The following NOL10 variants were observed in gnomAD, a reference collection of about 807,000 sequenced individuals.
The protein encoded by NOL10 is nucleolar protein 10, also known as H_NH0074G24.1.
NOL10 carries 58 observed loss-of-function variants against 103.5 expected under a neutral mutation model. The observed-to-expected ratio is 0.56, with a 90% CI of 0.45 to 0.70. The LOEUF (loss-of-function observed/expected upper bound fraction) is 0.70. NOL10 is among the 30% of genes least tolerant of loss of function. The probability of loss-of-function intolerance (pLI) is 0.00; values close to 1 mark genes in which losing one functional copy is unlikely to be tolerated. For missense variants in NOL10, 763 were observed against 807.3 expected (o/e 0.95, Z 0.67); for synonymous variants, 287 against 282.5 (o/e 1.02, Z -0.16).
Position 10,689,823 on chromosome 2 carries a change from G to A in NOL10, c.39C>T (p.Ser13=). The A allele has an allele frequency of 6.2e-7, 1 of 1,607,836 alleles. No homozygotes were observed. The highest frequency in any genetic ancestry group is 8.5e-7 in the Non-Finnish European group (1 of 1,177,334). ...CAGGAAGGGACTTGCCGCAGCTGAGGCTGTAAATCTTCACCTCATTGAGGC... is the reference window on the plus strand; with the variant it reads ...CAGGAAGGGACTTGCCGCAGCTGAGACTGTAAATCTTCACCTCATTGAGGC... ...VSSLNEVKIY[S]LSCGKSLPEW... Residue 13 remains serine (S), a synonymous_variant, in exon 1 of 21, where the codon AGC becomes AGT. Coordinates refer to ENST00000381685, the MANE Select transcript of NOL10 (RefSeq NM_024894.4).
chr2:10,598,773 T>C (rs1675829430), intron 17 of NOL10, among the ~76,000 whole-genome samples: 1 of 150,832 alleles, frequency 6.6e-6, no homozygotes, highest in Non-Finnish European at 1.5e-5. Flanking sequence ...AAGTAAGCAC[T>C]GTTCCAAGTA....
intron 13 of NOL10, among the ~76,000 whole-genome samples, chr2:10,636,547 C>T (rs1410911589): frequency 6.6e-6 from 1 of 150,936 alleles, no homozygotes; most frequent in East Asian, 2.0e-4. Context: ...AGTTGTGACG[C>T]TGCAGTGAGC....
At chr2:10,572,966 G>T (rs1353168348) in intron 20 of NOL10, among the ~76,000 whole-genome samples, 1 of 151,958 alleles carries the variant, frequency 6.6e-6, no homozygotes, top group African/African-American at 2.4e-5. Context: ...ATTCTTAGAA[G>T]AGCATCAGTG....
chr2:10,602,715 T>A (rs1418651902), intron 16 of NOL10, 61 bp downstream of exon 16: 1 of 1,026,342 alleles, frequency 9.7e-7, no homozygotes, highest in Non-Finnish European at 1.5e-6. Flanking sequence ...TTTGGAATAA[T>A]ACACAAAATG....
intron 14 of NOL10, among the ~76,000 whole-genome samples, chr2:10,604,305 T>C (rs972211382): frequency 1.3e-5 from 2 of 152,102 alleles, no homozygotes; most frequent in Non-Finnish European, 2.9e-5. Context: ...TACTCTAATT[T>C]CCAAATTTTA....
chr2:10,673,050 C>G (rs1681055008), intron 5 of NOL10, among the ~76,000 whole-genome samples: 1 of 152,110 alleles, frequency 6.6e-6, no homozygotes, highest in African/African-American at 2.4e-5. Flanking sequence ...AATAAATCTA[C>G]TTAGCTATAT....
intron 6 of NOL10, among the ~76,000 whole-genome samples, chr2:10,668,991 T>C (rs1193544514): frequency 1.3e-5 from 2 of 152,168 alleles, no homozygotes; most frequent in African/African-American, 4.8e-5. Context: ...GATCCAAAAG[T>C]ATATGTAATG....
chr2:10,662,320 T>C (rs1170196562), intron 9 of NOL10, among the ~76,000 whole-genome samples: 2 of 152,186 alleles, frequency 1.3e-5, no homozygotes, highest in Non-Finnish European at 2.9e-5. Context: ...CTAAGACTTA[T>C]TATTAGCAGT....
intron 11 of NOL10, among the ~76,000 whole-genome samples, chr2:10,656,393 T>G (rs1466314003): frequency 2.0e-5 from 3 of 152,102 alleles, no homozygotes; most frequent in Admixed American, 6.5e-5. Flanking sequence ...TTCCAAGAAT[T>G]TAGAAAGACT....
intron 3 of NOL10, among the ~76,000 whole-genome samples, chr2:10,678,370 T>C (rs1681476290): frequency 6.6e-6 from 1 of 151,750 alleles, no homozygotes; most frequent in South Asian, 2.1e-4. Context: ...TATTGCTATG[T>C]TCTTTGAAAG....
At chr2:10,579,539 T>C (rs1674641239) in intron 19 of NOL10, among the ~76,000 whole-genome samples, 1 of 151,588 alleles carries the variant, frequency 6.6e-6, no homozygotes, top group Non-Finnish European at 1.5e-5. Flanking sequence ...ACAAACGGAA[T>C]GAAATGAAGA....
At chr2:10,616,492 G>A (rs200933401) in intron 13 of NOL10, among the ~76,000 whole-genome samples, 1 of 150,178 alleles carries the variant, frequency 6.7e-6, no homozygotes, top group East Asian at 2.0e-4. Context: ...AGTGCTGGGA[G>A]TACAGGCATG....
Position 10,664,179 on chromosome 2 carries a change from C to T in NOL10, c.592-1135G>A, listed in dbSNP as rs1453335023. Among the ~76,000 whole-genome samples the T allele has an allele frequency of 2.0e-5, 3 of 151,920 alleles. No individual in the cohort carries two copies. The East Asian group carries it at 5.8e-4, about 29-fold the overall frequency. On this transcript the variant is annotated intron_variant, in intron 8 of 20. Coordinates refer to ENST00000381685, the MANE Select transcript of NOL10 (RefSeq NM_024894.4). ...GGCATGGTGGCTTATGCCTGTAATC[C>T]CAGCACTTTTGAAGGCCGAGGTAGG... is the stretch of plus-strand genomic sequence containing the variant.
intron 6 of NOL10, among the ~76,000 whole-genome samples, chr2:10,671,085 CAT>C (rs1009793262): frequency 9.2e-5 from 14 of 152,322 alleles, no homozygotes; most frequent in Non-Finnish European, 1.9e-4. Context: ...TCCATAACCA[CAT>C]ATGACCTATT....
intron 13 of NOL10, among the ~76,000 whole-genome samples, chr2:10,630,687 C>G (rs1399965837): frequency 6.6e-6 from 1 of 152,076 alleles, no homozygotes; most frequent in Non-Finnish European, 1.5e-5. Flanking sequence ...TGCCCTCCAG[C>G]CTGGGCGAAA....
chr2:10,594,456 G>T lies in NOL10; in HGVS notation c.1423-4705C>A, dbSNP rs941638796. On this transcript the variant is annotated intron_variant, in intron 17 of 20. Coordinates refer to ENST00000381685, the MANE Select transcript of NOL10 (RefSeq NM_024894.4). ...AAGGGAGGTCCCGGGATTAGAAGGT[G>T]ACCAGGCTAGAATGGAATGGGGCAG... 1.1e-4 allele frequency among the ~76,000 whole-genome samples: 17 copies of T among 152,258 alleles called. No homozygotes were observed. The East Asian group carries it at 3.1e-3, about 28-fold the overall frequency.
rs185961161 is a variant in NOL10 at position 10,689,973 on chromosome 2, A to C, written c.-112T>G. On this transcript the variant is annotated 5_prime_UTR_variant, in exon 1 of 21. Coordinates refer to ENST00000381685, the MANE Select transcript of NOL10 (RefSeq NM_024894.4). ...CCGCGGCGTGCGGCCGCTGGCGCCG[A>C]CTGATGACGCACTTCCTGGAGCCGG... 360 of 940,402 alleles carry C rather than the reference A, an allele frequency of 3.8e-4. 2 individuals carry two copies. In the East Asian group the frequency reaches 8.9e-3, roughly 23 times the overall value. 58.3% of individuals were successfully genotyped at this position (940,402 alleles called of 1,614,324 possible). A position where few individuals can be genotyped will look rare whatever the true frequency, so the allele number is the denominator to read the frequency against.
chr2:10,576,624 AT>A (rs1674465552), intron 20 of NOL10, among the ~76,000 whole-genome samples: 1 of 152,294 alleles, frequency 6.6e-6, no homozygotes, highest in African/African-American at 2.4e-5. Context: ...AAGACTTCAC[AT>A]TGAATGATTC....
chr2:10,578,074 C>G (rs542129006), intron 19 of NOL10, among the ~76,000 whole-genome samples: 1 of 152,088 alleles, frequency 6.6e-6, no homozygotes, highest in African/African-American at 2.4e-5. Flanking sequence ...ACTCCTGAAG[C>G]CTGTAATTGA....
Sources: allele counts gnomAD v4.1 joint callset (sites outside exome capture counted in the v4.1 genomes callset), GRCh38; gene constraint gnomAD v4.1.1; transcripts MANE v1.5; gene names NCBI Gene and HGNC (gene_info 2026-07-23, HGNC 2026-07-21).